The following EDIL3 variants were observed in gnomAD, a reference collection of about 807,000 sequenced individuals.
EDIL3 encodes EGF-like repeat and discoidin I-like domain-containing protein 3.
EDIL3 carries 37 observed loss-of-function variants against 67.4 expected under a neutral mutation model. The observed-to-expected ratio is 0.55, with a 90% CI of 0.42 to 0.72. The LOEUF (loss-of-function observed/expected upper bound fraction) is 0.72, where lower values mean the gene tolerates loss of function less well. EDIL3 is among the 30% of genes least tolerant of loss of function. The pLI is 0.00. For synonymous variants in EDIL3, 195 were observed against 196.3 expected (o/e 0.99, Z 0.05); for missense variants, 527 against 586.3 (o/e 0.90, Z 1.04).
intron 4 of EDIL3, among the ~76,000 whole-genome samples, chr5:84,147,216 T>C (rs1175109037): frequency 6.6e-6 from 1 of 152,160 alleles, no homozygotes; most frequent in Non-Finnish European, 1.5e-5. Flanking sequence ...TTTCAAAATG[T>C]TGCAGGTGAC....
intron 4 of EDIL3, among the ~76,000 whole-genome samples, chr5:84,148,952 T>C (rs1031513259): frequency 1.8e-4 from 26 of 147,028 alleles, no homozygotes; most frequent in African/African-American, 5.4e-4. Context: ...CCCTCTTGTT[T>C]TAAAAAACAA....
chr5:84,007,109 T>C (rs1745431663), intron 9 of EDIL3, among the ~76,000 whole-genome samples: 1 of 152,060 alleles, frequency 6.6e-6, no homozygotes, highest in Admixed American at 6.6e-5. Flanking sequence ...TAGACCACCA[T>C]CTCTTGCCAT....
chr5:84,061,083 A>G (rs541025475), intron 8 of EDIL3, among the ~76,000 whole-genome samples: 40 of 152,262 alleles, frequency 2.6e-4, no homozygotes, highest in African/African-American at 9.4e-4. Context: ...TACTGAGGGT[A>G]TGCCATGTGC....
chr5:84,055,015 A>C (rs1352857723), intron 9 of EDIL3, among the ~76,000 whole-genome samples: 1 of 146,510 alleles, frequency 6.8e-6, no homozygotes, highest in African/African-American at 2.7e-5. Flanking sequence ...ATCCTAAGCC[A>C]AAAGAACAAA....
intron 6 of EDIL3, among the ~76,000 whole-genome samples, chr5:84,077,726 GATCTAGCCAAATCAT>G (rs1275808812): frequency 2.6e-5 from 4 of 151,874 alleles, no homozygotes; most frequent in Non-Finnish European, 5.9e-5. Context: ...TTTGGGTGGG[GATCTAGCCAAATCAT>G]ATCTAGCCAA....
intron 3 of EDIL3, among the ~76,000 whole-genome samples, chr5:84,200,074 T>C (rs1474332640): frequency 1.3e-5 from 2 of 152,102 alleles, no homozygotes; most frequent in African/African-American, 4.8e-5. Flanking sequence ...ATCAGAACTA[T>C]GTTCTGGGAT....
chr5:84,273,967 T>C (rs1017620980), intron 1 of EDIL3, among the ~76,000 whole-genome samples: 1 of 152,170 alleles, frequency 6.6e-6, no homozygotes, highest in African/African-American at 2.4e-5. Flanking sequence ...GTCAATATTC[T>C]GTCAAGATTT....
intron 2 of EDIL3, among the ~76,000 whole-genome samples, chr5:84,249,424 TATCTATC>T (rs952783293): frequency 9.9e-5 from 14 of 140,804 alleles, no homozygotes; most frequent in East Asian, 4.1e-4. Context: ...TCTATCTATC[TATCTATC>T]ATCTATTTTT....
At chr5:84,138,163 C>T (rs754363699) in intron 4 of EDIL3, among the ~76,000 whole-genome samples, 3 of 152,190 alleles carry the variant, frequency 2.0e-5, no homozygotes, top group Non-Finnish European at 4.4e-5. Context: ...TCTGTGGGAG[C>T]CAGTACAGTA....
At chr5:84,126,947 A>T (rs1190881576) in intron 5 of EDIL3, among the ~76,000 whole-genome samples, 1 of 152,086 alleles carries the variant, frequency 6.6e-6, no homozygotes, top group Non-Finnish European at 1.5e-5. Context: ...GTTACTGCCA[A>T]GTAAGTATGA....
chr5:84,322,696 A>G (rs1382438864), intron 1 of EDIL3, among the ~76,000 whole-genome samples: 1 of 152,138 alleles, frequency 6.6e-6, no homozygotes, highest in Non-Finnish European at 1.5e-5. Context: ...TAACAGACAT[A>G]AATGTAAACA....
At chr5:84,097,762 C>T (rs1747290357) in intron 6 of EDIL3, among the ~76,000 whole-genome samples, 1 of 151,626 alleles carries the variant, frequency 6.6e-6, no homozygotes, top group South Asian at 2.1e-4. Flanking sequence ...TAAAAATCAA[C>T]CCATAAATTT....
At chr5:84,377,616 C>A (rs1175544694) in intron 1 of EDIL3, among the ~76,000 whole-genome samples, 3 of 152,060 alleles carry the variant, frequency 2.0e-5, no homozygotes, top group African/African-American at 7.2e-5. Flanking sequence ...TGTTAAATAC[C>A]AAGCACAAAC....
intron 1 of EDIL3, among the ~76,000 whole-genome samples, chr5:84,297,932 AT>A (rs1746084661): frequency 6.6e-6 from 1 of 152,082 alleles, no homozygotes; most frequent in South Asian, 2.1e-4. Context: ...CTGGGCTTAG[AT>A]TATGGTGCAT....
Position 83,972,459 on chromosome 5 carries a change from C to T in EDIL3, c.1138-9099G>A, listed in dbSNP as rs899573908. ...CCAATGCACATAAATTTGTGCCCAT[C>T]ATCAACAGGATGATGGGAAGGGAAT... On this transcript the variant is annotated intron_variant, in intron 9 of 10. Transcript: ENST00000296591. Among the ~76,000 whole-genome samples, 6 of 151,992 alleles carry T rather than the reference C, an allele frequency of 3.9e-5. No individual in the cohort carries two copies. The South Asian group carries it at 8.3e-4, about 21-fold the overall frequency.
chr5:84,250,605 A>G (rs1745007418), intron 2 of EDIL3, among the ~76,000 whole-genome samples: 1 of 152,232 alleles, frequency 6.6e-6, no homozygotes. Flanking sequence ...AAGCTACTGC[A>G]AAGTAGTAAG....
chr5:84,207,143 A>C (rs1194583624), intron 3 of EDIL3, among the ~76,000 whole-genome samples: 1 of 152,166 alleles, frequency 6.6e-6, no homozygotes, highest in African/African-American at 2.4e-5. Context: ...ATATCCAGAA[A>C]ACCCCACTGT....
chr5:84,024,938 C>T (rs1398828468), intron 9 of EDIL3, among the ~76,000 whole-genome samples: 1 of 151,932 alleles, frequency 6.6e-6, no homozygotes, highest in African/African-American at 2.4e-5. Flanking sequence ...TAGTATTCAA[C>T]AAAATGACAT....
chr5:83,961,175 A>T (rs1010531740), intron 10 of EDIL3, among the ~76,000 whole-genome samples: 2 of 151,088 alleles, frequency 1.3e-5, no homozygotes, highest in African/African-American at 4.8e-5. Flanking sequence ...GATCAAAAGG[A>T]CATTAAAAAT....
Sources: gnomAD v4.1 joint callset for allele counts (sites outside exome capture counted in the v4.1 genomes callset) on GRCh38, gnomAD v4.1.1 for gene constraint, MANE v1.5 for transcripts, NCBI Gene and HGNC (gene_info 2026-07-23, HGNC 2026-07-21) for gene names.